The following NDFIP1 variants were observed in gnomAD, a reference collection of about 807,000 sequenced individuals.
NDFIP1 encodes the protein NEDD4 family-interacting protein 1.
NDFIP1 carries 7 observed loss-of-function variants against 28.8 expected under a neutral mutation model. The ratio of observed to expected loss-of-function variants is 0.24; its 90% CI spans 0.14 to 0.46. The LOEUF (loss-of-function observed/expected upper bound fraction) is 0.46, where lower values mean the gene tolerates loss of function less well. Ranked by LOEUF, NDFIP1 falls within the 20% of genes least tolerant of loss-of-function variation. The probability of loss-of-function intolerance (pLI) is 0.99; values close to 1 mark genes in which losing one functional copy is unlikely to be tolerated. For synonymous variants in NDFIP1, 92 were observed against 101.0 expected (o/e 0.91, Z 0.53); for missense variants, 194 against 269.1 (o/e 0.72, Z 1.95).
At chr5:142,141,471 TG>T (rs1757331736) in intron 6 of NDFIP1, among the ~76,000 whole-genome samples, 1 of 152,022 alleles carries the variant, frequency 6.6e-6, no homozygotes, top group Non-Finnish European at 1.5e-5. Flanking sequence ...CCACCATGCC[TG>T]GCCTGGATTA....
intron 1 of NDFIP1, among the ~76,000 whole-genome samples, chr5:142,121,913 G>T (rs1757126072): frequency 6.6e-6 from 1 of 152,186 alleles, no homozygotes; most frequent in African/African-American, 2.4e-5. Context: ...TATCCATGCT[G>T]TGCCACTCAC....
chr5:142,139,624 G>C (rs922223115), intron 5 of NDFIP1, among the ~76,000 whole-genome samples: 1 of 152,152 alleles, frequency 6.6e-6, no homozygotes, highest in Non-Finnish European at 1.5e-5. Context: ...AATTTCCACT[G>C]GTCAGAATGG....
chr5:142,133,912 C>G (rs1318074489), intron 3 of NDFIP1: 1 of 152,072 alleles, frequency 6.6e-6, no homozygotes, highest in Non-Finnish European at 1.5e-5. Flanking sequence ...ACTGGGTGAT[C>G]ATAGGGGAAA....
intron 6 of NDFIP1, chr5:142,142,940 A>AAAATATATATAT (rs60076432): frequency 5.2e-5 from 2 of 38,158 alleles, no homozygotes; most frequent in African/African-American, 2.5e-4. Context: ...AAAAAAAAAA[A>AAAATATATATAT]ATATATATAT....
intron 1 of NDFIP1, among the ~76,000 whole-genome samples, chr5:142,111,587 A>G (rs945056413): frequency 6.6e-6 from 1 of 152,220 alleles, no homozygotes; most frequent in East Asian, 1.9e-4. Flanking sequence ...TGGTTGTCAC[A>G]CAGGGCTGTT....
chr5:142,137,984 T>A (rs1292332199), intron 5 of NDFIP1, 126 bp downstream of exon 5: 2 of 1,240,526 alleles, frequency 1.6e-6, no homozygotes, highest in East Asian at 5.1e-5. Context: ...TTGGTTTGTC[T>A]GTGGTTTCAT....
chr5:142,122,435 A>G (rs1596784766), intron 1 of NDFIP1, among the ~76,000 whole-genome samples: 1 of 152,340 alleles, frequency 6.6e-6, no homozygotes, highest in African/African-American at 2.4e-5. Context: ...AATAATTTCC[A>G]GTTTTATGAA....
intron 4 of NDFIP1, 32 bp downstream of exon 4, chr5:142,135,849 T>A (rs1427528909): frequency 2.0e-6 from 3 of 1,491,914 alleles, no homozygotes; most frequent in African/African-American, 2.8e-5. Context: ...AACCACCCCC[T>A]ACAAACTAGA....
At chr5:142,145,569 A>C (rs774459522) in intron 7 of NDFIP1, among the ~76,000 whole-genome samples, 1 of 152,166 alleles carries the variant, frequency 6.6e-6, no homozygotes, top group Non-Finnish European at 1.5e-5. Context: ...TAGGTGGTGT[A>C]GTTCAGATAA....
intron 1 of NDFIP1, among the ~76,000 whole-genome samples, chr5:142,129,681 C>T (rs1757205999): frequency 6.6e-6 from 1 of 152,036 alleles, no homozygotes. Flanking sequence ...AATTCCAGCA[C>T]TTTGGGAGGC....
intron 1 of NDFIP1, among the ~76,000 whole-genome samples, chr5:142,122,689 T>C (rs1177078811): frequency 1.3e-5 from 2 of 152,212 alleles, no homozygotes; most frequent in Non-Finnish European, 2.9e-5. Flanking sequence ...GGTCATCATC[T>C]GTGGTTTTAA....
intron 6 of NDFIP1, chr5:142,143,135 G>T (rs1388861129): frequency 1.3e-5 from 2 of 151,538 alleles, no homozygotes; most frequent in Non-Finnish European, 2.9e-5. Flanking sequence ...TAGTTTATTT[G>T]TTCCACAGTT....
At chr5:142,145,942 G>GTA (rs1757384141) in intron 7 of NDFIP1, among the ~76,000 whole-genome samples, 1 of 152,136 alleles carries the variant, frequency 6.6e-6, no homozygotes, top group African/African-American at 2.4e-5. Flanking sequence ...GTCTCAGGAG[G>GTA]TATGCTTCAA....
rs781766785 is a variant in NDFIP1, at chr5:142,117,043, C to T, written c.63+8006C>T. Among the ~76,000 whole-genome samples, 28 of 151,912 alleles carry T rather than the reference C, an allele frequency of 1.8e-4. 2 individuals carry two copies. Among genetic ancestry groups the T allele is most frequent in the Non-Finnish European group, 3.1e-4 (21 of 67,974 alleles). The stretch of plus-strand genomic sequence containing the variant: ...ATAATATATTTCTTATCCCCCTCCC[C>T]GAGCAATTTAGCATAATCTTTGACC... On this transcript the variant is annotated intron_variant, in intron 1 of 7. Transcript: ENST00000253814.
intron 4 of NDFIP1, 26 bp downstream of exon 4, chr5:142,135,843 A>G (rs1192954694): frequency 6.5e-7 from 1 of 1,533,554 alleles, no homozygotes; most frequent in Non-Finnish European, 9.0e-7. Flanking sequence ...TATCAGAACC[A>G]CCCCCTACAA....
In NDFIP1 at chr5:142,115,679, C is replaced by G. The variant is rs144611289; in HGVS notation, c.63+6642C>G. Among the ~76,000 whole-genome samples the G allele has an allele frequency of 1.2e-4, 18 of 152,110 alleles. No homozygotes were observed. The East Asian group carries it at 3.5e-3, about 29-fold the overall frequency. Reference sequence around the variant, plus strand: ...TTGGCATGATGGTTTATCTTTTTTTCAAGTCATTGTTGCCAATAAGCTAGG... The same window carrying G: ...TTGGCATGATGGTTTATCTTTTTTTGAAGTCATTGTTGCCAATAAGCTAGG... On this transcript the variant is annotated intron_variant, in intron 1 of 7. Transcript: ENST00000253814.
chr5:142,130,031 C>T (rs186600810), intron 1 of NDFIP1, among the ~76,000 whole-genome samples: 24 of 151,790 alleles, frequency 1.6e-4, no homozygotes, highest in African/African-American at 5.1e-4. Flanking sequence ...TTCTTTGTAG[C>T]GGTATGGTTT....
At chr5:142,110,103 GCGGC>G (rs10569192) in intron 1 of NDFIP1, among the ~76,000 whole-genome samples, 101,781 of 151,434 alleles carry the variant, frequency 0.67, 34,516 homozygotes, top group African/African-American at 0.77. Flanking sequence ...TAACCCTGGT[GCGGC>G]CGGCCGGTTA....
chr5:142,111,442 G>A (rs531125353), intron 1 of NDFIP1, among the ~76,000 whole-genome samples: 61 of 151,936 alleles, frequency 4.0e-4, no homozygotes, highest in Admixed American at 9.8e-4. Context: ...TTTCACATAC[G>A]TCTTCAACCG....
Sources: gnomAD v4.1 joint callset for allele counts (sites outside exome capture counted in the v4.1 genomes callset) on GRCh38, gnomAD v4.1.1 for gene constraint, MANE v1.5 for transcripts, NCBI Gene and HGNC (gene_info 2026-07-23, HGNC 2026-07-21) for gene names.